The following ATP2C2 variants were observed in gnomAD, a reference collection of about 807,000 sequenced individuals.
ATP2C2 encodes calcium-transporting ATPase type 2C member 2.
Under a neutral mutation model 110.8 loss-of-function variants are expected in ATP2C2, and 171 were observed. The ratio of observed to expected loss-of-function variants is 1.54; its 90% CI spans 1.36 to 1.75. ATP2C2 has a LOEUF of 1.75. ATP2C2 is among the 40% of genes most tolerant of loss of function. The pLI is 0.00. For synonymous variants in ATP2C2, 804 were observed against 508.4 expected (o/e 1.58, Z -7.82); for missense variants, 1,963 against 1,235.0 (o/e 1.59, Z -8.84).
chr16:84,413,649 G>T (rs1182113996), intron 6 of ATP2C2, among the ~76,000 whole-genome samples: 2 of 152,176 alleles, frequency 1.3e-5, no homozygotes, highest in East Asian at 3.8e-4. Flanking sequence ...TCTCCCGGGA[G>T]GTCACTTCTA....
At chr16:84,443,316 C>G (rs1909441567) in intron 15 of ATP2C2, among the ~76,000 whole-genome samples, 1 of 152,220 alleles carries the variant, frequency 6.6e-6, no homozygotes, top group African/African-American at 2.4e-5. Flanking sequence ...GCCACTTGGC[C>G]TGGGTCCCTC....
At chr16:84,434,757 T>A (rs397857) in intron 11 of ATP2C2, among the ~76,000 whole-genome samples, 118,497 of 151,942 alleles carry the variant, frequency 0.78, 46,472 homozygotes, top group East Asian at 0.86. Flanking sequence ...ACCTCAAGTG[T>A]TCCATCCGTT....
chr16:84,444,366 G>C (rs961297722), intron 15 of ATP2C2, among the ~76,000 whole-genome samples: 6 of 151,026 alleles, frequency 4.0e-5, no homozygotes, highest in Non-Finnish European at 7.4e-5. Flanking sequence ...CCAGCTACTC[G>C]GGAGGCTGAG....
At chr16:84,396,106 C>T (rs1904956076) in intron 1 of ATP2C2, among the ~76,000 whole-genome samples, 1 of 152,152 alleles carries the variant, frequency 6.6e-6, no homozygotes, top group Non-Finnish European at 1.5e-5. Context: ...CCAGGCATAA[C>T]ATCTTCAAGG....
At chr16:84,391,113 C>CA (rs567509863) in intron 1 of ATP2C2, among the ~76,000 whole-genome samples, 9,917 of 73,128 alleles carry the variant, frequency 0.14, 975 homozygotes, top group Non-Finnish European at 0.15. Flanking sequence ...GACTCAGACT[C>CA]AAAAAAAAAA....
Position 84,422,375 on chromosome 16 carries a change from C to T in ATP2C2, c.625-15C>T. 1 of 1,610,662 alleles carries T rather than the reference C, an allele frequency of 6.2e-7. No homozygotes were observed. Among genetic ancestry groups the T allele is most frequent in the Non-Finnish European group, 8.5e-7 (1 of 1,178,482 alleles). The stretch of plus-strand genomic sequence containing the variant: ...GACAGAGAGATTCCACAGCCTTTTC[C>T]CCTTGCTCTCCTAGGTCACGGACCT... On this transcript the variant is annotated splice_polypyrimidine_tract_variant and intron_variant, in intron 7 of 26. Transcript: ENST00000262429.
chr16:84,408,528 G>A, intron 4 of ATP2C2, 34 bp downstream of exon 4: 3 of 1,542,964 alleles, frequency 1.9e-6, no homozygotes, highest in Non-Finnish European at 2.7e-6. Flanking sequence ...CTCCCGGGCG[G>A]GCAGCCACAG....
chr16:84,379,854 G>C (rs1210368272), intron 1 of ATP2C2, among the ~76,000 whole-genome samples: 1 of 152,194 alleles, frequency 6.6e-6, no homozygotes, highest in Non-Finnish European at 1.5e-5. Flanking sequence ...TACACACTGA[G>C]ATAAACCCCA....
chr16:84,451,696 G>A (rs1425988413), intron 17 of ATP2C2, among the ~76,000 whole-genome samples: 1 of 152,046 alleles, frequency 6.6e-6, no homozygotes, highest in Admixed American at 6.6e-5. Flanking sequence ...AAATTAGCTG[G>A]GCCTGGAGGC....
In ATP2C2 at chr16:84,425,715, T is replaced by G. The variant is rs150612319; in HGVS notation, c.920-20T>G. ...TGTGTAGTGCATATGGAGATAAGGA[T>G]GTTTTTGTCTCTTCCCCAGGTCTCA... On this transcript the variant is annotated intron_variant, in intron 10 of 26. Transcript: ENST00000262429. The G allele has an allele frequency of 6.9e-4, 1,120 of 1,612,854 alleles. 6 individuals are homozygous for G. The African/African-American group carries it at 0.012, about 18-fold the overall frequency.
intron 1 of ATP2C2, among the ~76,000 whole-genome samples, chr16:84,388,391 T>G (rs1904443666): frequency 6.6e-6 from 1 of 152,184 alleles, no homozygotes. Flanking sequence ...CTACAGAACT[T>G]GCTGGAACAC....
intron 1 of ATP2C2, among the ~76,000 whole-genome samples, chr16:84,393,722 A>C (rs1904799077): frequency 8.0e-6 from 1 of 125,580 alleles, no homozygotes; most frequent in Non-Finnish European, 1.6e-5. Context: ...ATGGGAGGCC[A>C]GTGGATGGGA....
At chr16:84,411,284 C>T (rs971452360) in intron 6 of ATP2C2, among the ~76,000 whole-genome samples, 9 of 148,956 alleles carry the variant, frequency 6.0e-5, no homozygotes, top group Admixed American at 4.0e-4. Context: ...GGTTACTGCA[C>T]GGCTCTTACC....
intron 14 of ATP2C2, 24 bp downstream of exon 14, chr16:84,440,982 G>A (rs1377404525): frequency 3.2e-6 from 5 of 1,566,756 alleles, no homozygotes; most frequent in Non-Finnish European, 3.5e-6. Flanking sequence ...GCGCCATGAG[G>A]GAAATAGGCA....
intron 1 of ATP2C2, among the ~76,000 whole-genome samples, chr16:84,388,634 C>T (rs190372829): frequency 8.5e-5 from 13 of 152,310 alleles, no homozygotes; most frequent in Non-Finnish European, 1.5e-5. Flanking sequence ...TGTGTGTCTC[C>T]AATGTCACCC....
At chr16:84,388,556 C>A (rs4782946) in intron 1 of ATP2C2, among the ~76,000 whole-genome samples, 4 of 151,844 alleles carry the variant, frequency 2.6e-5, no homozygotes, top group African/African-American at 7.3e-5. Flanking sequence ...CAGATCTGTG[C>A]CTTGGGAGAG....
intron 6 of ATP2C2, among the ~76,000 whole-genome samples, chr16:84,412,970 G>C (rs370234160): frequency 3.3e-5 from 5 of 152,026 alleles, no homozygotes; most frequent in East Asian, 3.9e-4. Context: ...ATGGTGGTGG[G>C]TGTCTGTAAT....
intron 13 of ATP2C2, among the ~76,000 whole-genome samples, chr16:84,440,020 G>C (rs1909098485): frequency 1.3e-5 from 2 of 152,192 alleles, no homozygotes; most frequent in Non-Finnish European, 2.9e-5. Context: ...TTTTCTAGTA[G>C]AGACGGGGTA....
In ATP2C2 at chr16:84,408,409, A is replaced by G. The variant is rs1329900186; in HGVS notation, c.332A>G (p.Lys111Arg). 2 of 1,613,726 alleles carry G rather than the reference A, an allele frequency of 1.2e-6. No individual in the cohort carries two copies. The highest frequency in any genetic ancestry group is 3.3e-5 in the Admixed American group (2 of 59,986). ...ACCCTGTTATTTCCTCTTCAGTTTA[A>G]GAACCCCCTGATCCTGCTGCTGCTG... ...PVWKKYLDQF[K>R]NPLILLLLGS... The change falls in exon 4 of 27, where the codon AAG (lysine) becomes AGG (arginine). Residue 111 changes from lysine to arginine, a missense_variant. By Grantham distance (26) the Lys-to-Arg change is conservative. Transcript: ENST00000262429.
Sources: allele counts gnomAD v4.1 joint callset (sites outside exome capture counted in the v4.1 genomes callset), GRCh38; gene constraint gnomAD v4.1.1; transcripts MANE v1.5; gene names NCBI Gene and HGNC (gene_info 2026-07-23, HGNC 2026-07-21).